Variants in HDAC9 observed in about 807,000 individuals in gnomAD.
The protein encoded by HDAC9 is histone deacetylase 9.
A neutral mutation model predicts 139.4 loss-of-function variants in HDAC9; 41 were observed. The observed-to-expected ratio is 0.29, with a 90% CI of 0.23 to 0.38. The LOEUF (loss-of-function observed/expected upper bound fraction) is 0.38, where lower values mean the gene tolerates loss of function less well. Among genes scored for constraint, HDAC9 ranks in the 10% least tolerant of loss-of-function variants. The pLI is 1.00. For missense variants in HDAC9, 1,147 were observed against 1,297.0 expected (o/e 0.88, Z 1.78); for synonymous variants, 517 against 476.2 (o/e 1.09, Z -1.12).
rs186381853 is a variant in HDAC9 at position 18,649,680 on chromosome 7, G to A, written c.1467+997G>A. 2.5e-3 allele frequency among the ~76,000 whole-genome samples: 381 copies of A among 152,176 alleles called. 3 individuals carry two copies. The highest frequency in any genetic ancestry group is 2.5e-3 in the Non-Finnish European group (168 of 68,008). ...GCAGAGGCTTAATCATCTTTCTAAC[G>A]GCAGTAGGGGAAAGGGATCTTCATC... On this transcript the variant is annotated intron_variant, in intron 11 of 25. Coordinates refer to ENST00000686413, the MANE Select transcript of HDAC9 (RefSeq NM_178425.4).
intron 17 of HDAC9, among the ~76,000 whole-genome samples, chr7:18,818,555 A>G (rs1019633462): frequency 6.6e-6 from 1 of 152,332 alleles, no homozygotes; most frequent in African/African-American, 2.4e-5. Context: ...TTTACCAAGA[A>G]TAAGTATATA....
intron 5 of HDAC9, among the ~76,000 whole-genome samples, chr7:18,593,065 A>T (rs866413537): frequency 1.1e-4 from 16 of 152,238 alleles, no homozygotes; most frequent in Middle Eastern, 6.8e-3. Flanking sequence ...AGATAACCAC[A>T]AACGATTAAT....
rs75724953 is a variant in HDAC9, at chr7:18,582,520, A to T, written c.23-2761A>T. On this transcript the variant is annotated intron_variant, in intron 2 of 25. Coordinates refer to ENST00000686413, the MANE Select transcript of HDAC9 (RefSeq NM_178425.4). The stretch of plus-strand genomic sequence containing the variant: ...GACTACATTGCTTATATATATATAT[A>T]TTTTTTAAATGGTTATCATAGTGTA... Among the ~76,000 whole-genome samples the T allele has an allele frequency of 9.8e-3, 1,493 of 151,988 alleles. 17 individuals are homozygous for T. Among genetic ancestry groups the T allele is most frequent in the African/African-American group, 0.03 (1,261 of 41,450 alleles).
At chr7:18,581,304 G>A (rs984705925) in intron 2 of HDAC9, among the ~76,000 whole-genome samples, 4 of 152,194 alleles carry the variant, frequency 2.6e-5, no homozygotes, top group South Asian at 2.1e-4. Context: ...TCAGTCTTGG[G>A]CAATTATTTA....
intron 24 of HDAC9, among the ~76,000 whole-genome samples, chr7:18,971,239 C>T (rs1049038654): frequency 1.2e-4 from 19 of 152,130 alleles, no homozygotes; most frequent in Non-Finnish European, 2.5e-4. Context: ...TTAAAAAGTC[C>T]TGAAAAGTGG....
intron 22 of HDAC9, among the ~76,000 whole-genome samples, chr7:18,930,940 G>A (rs573055838): frequency 1.8e-4 from 28 of 152,102 alleles, no homozygotes; most frequent in African/African-American, 5.8e-4. Context: ...GATTTGGATC[G>A]CTCTGTCTCT....
At chr7:18,807,138 T>A (rs76680541) in intron 17 of HDAC9, among the ~76,000 whole-genome samples, 1 of 152,178 alleles carries the variant, frequency 6.6e-6, no homozygotes, top group Non-Finnish European at 1.5e-5. Flanking sequence ...TGCTGTTGCC[T>A]GCTTCAGATT....
intron 1 of HDAC9, among the ~76,000 whole-genome samples, chr7:18,141,814 A>G (rs1391219760): frequency 1.3e-5 from 2 of 152,140 alleles, no homozygotes; most frequent in African/African-American, 4.8e-5. Context: ...TGAATTATTT[A>G]TTCATTTCAT....
chr7:18,531,102 A>G (rs976002076), intron 2 of HDAC9, among the ~76,000 whole-genome samples: 6 of 152,094 alleles, frequency 3.9e-5, no homozygotes, highest in Admixed American at 3.9e-4. Context: ...GGTAATAAGA[A>G]TAACTCACCA....
chr7:18,153,705 T>A (rs1373633737), intron 1 of HDAC9, among the ~76,000 whole-genome samples: 1 of 152,164 alleles, frequency 6.6e-6, no homozygotes, highest in East Asian at 1.9e-4. Context: ...GGTCCCTGCC[T>A]CTAGAACCTA....
At chr7:18,779,181 C>T (rs1791033164) in intron 16 of HDAC9, among the ~76,000 whole-genome samples, 1 of 152,024 alleles carries the variant, frequency 6.6e-6, no homozygotes, top group Non-Finnish European at 1.5e-5. Flanking sequence ...GTCTTCCTTC[C>T]AATGTTGAAC....
intron 14 of HDAC9, among the ~76,000 whole-genome samples, chr7:18,758,652 T>C (rs1789095801): frequency 6.6e-6 from 1 of 152,190 alleles, no homozygotes; most frequent in African/African-American, 2.4e-5. Flanking sequence ...GGAGATCCTA[T>C]GTGTTAAGGA....
At chr7:18,545,591 C>CT (rs1431640990) in intron 2 of HDAC9, among the ~76,000 whole-genome samples, 12 of 152,280 alleles carry the variant, frequency 7.9e-5, no homozygotes, top group African/African-American at 2.9e-4. Flanking sequence ...CTGGGCTTGA[C>CT]TTTAAGTTCC....
At position 18,666,397 on chromosome 7, in the gene HDAC9, A is replaced by G; in HGVS notation, c.1652A>G (p.Lys551Arg). The G allele has an allele frequency of 6.2e-7, 1 of 1,613,164 alleles. No individual in the cohort carries two copies. Among genetic ancestry groups the G allele is most frequent in the Non-Finnish European group, 8.5e-7 (1 of 1,179,564 alleles). ...GGACAAGTTGGGGCTGTGAAGGTCA[A>G]GGAGGAACCAGTGGACAGTGATGAA... ...TLGQVGAVKVKEEPVDSDEDA... is the reference protein window; with the variant it reads ...TLGQVGAVKVREEPVDSDEDA... The change falls in exon 12 of 26, where the codon AAG becomes AGG. Residue 551 changes from lysine to arginine, a missense_variant. Transcript: ENST00000686413.
chr7:18,300,045 G>T (rs1798431158), intron 1 of HDAC9, among the ~76,000 whole-genome samples: 1 of 152,158 alleles, frequency 6.6e-6, no homozygotes, highest in African/African-American at 2.4e-5. Context: ...CTAAAATTCA[G>T]GTCTTCCTCC....
chr7:18,662,870 G>A (rs2129065677), intron 11 of HDAC9, among the ~76,000 whole-genome samples: 1 of 152,214 alleles, frequency 6.6e-6, no homozygotes, highest in South Asian at 2.1e-4. Flanking sequence ...CACTCAGCAT[G>A]ATCGTAATTT....
At chr7:18,261,780 T>A (rs1258464679) in intron 2 of HDAC9, among the ~76,000 whole-genome samples, 1 of 152,220 alleles carries the variant, frequency 6.6e-6, no homozygotes, top group African/African-American at 2.4e-5. Context: ...AAAAGGCATA[T>A]TCCCTTTGTT....
chr7:18,428,212 TAAC>T (rs1227768053), intron 1 of HDAC9, among the ~76,000 whole-genome samples: 2 of 152,206 alleles, frequency 1.3e-5, no homozygotes, highest in Non-Finnish European at 2.9e-5. Flanking sequence ...GTTTTAATTT[TAAC>T]TTTTTGAGGA....
At chr7:18,555,003 C>T (rs1051362161) in intron 2 of HDAC9, among the ~76,000 whole-genome samples, 5 of 152,142 alleles carry the variant, frequency 3.3e-5, no homozygotes, top group African/African-American at 1.2e-4. Flanking sequence ...AATTAACTGA[C>T]CTGAACTTGG....
Sources: allele counts gnomAD v4.1 joint callset (sites outside exome capture counted in the v4.1 genomes callset), GRCh38; gene constraint gnomAD v4.1.1; transcripts MANE v1.5; gene names NCBI Gene and HGNC (gene_info 2026-07-23, HGNC 2026-07-21).